The following EIF4G3 variants were observed in gnomAD, a reference collection of about 807,000 sequenced individuals.
EIF4G3 encodes the protein eukaryotic translation initiation factor 4 gamma 3.
EIF4G3 carries 34 observed loss-of-function variants against 186.4 expected under a neutral mutation model. The ratio of observed to expected loss-of-function variants is 0.18; its 90% CI spans 0.14 to 0.24. EIF4G3 has a LOEUF of 0.24. Among genes scored for constraint, EIF4G3 ranks in the 10% least tolerant of loss-of-function variants. EIF4G3 has a pLI of 1.00. For missense variants in EIF4G3, 1,536 were observed against 1,948.5 expected, an observed-to-expected ratio of 0.79 and a Z score of 3.99; for synonymous variants, 673 against 679.5, an observed-to-expected ratio of 0.99 and a Z score of 0.15.
At chr1:21,144,417 C>T (rs1216868201) in intron 2 of EIF4G3, among the ~76,000 whole-genome samples, 1 of 151,862 alleles carries the variant, frequency 6.6e-6, no homozygotes, top group East Asian at 1.9e-4. Context: ...CAGCAGCACA[C>T]CCATCTTTTT....
At chr1:20,906,789 T>A (rs2154557523) in intron 14 of EIF4G3, among the ~76,000 whole-genome samples, 1 of 148,718 alleles carries the variant, frequency 6.7e-6, no homozygotes, top group African/African-American at 2.4e-5. Flanking sequence ...TAGGAGACAC[T>A]TAGTCCTTAA....
At chr1:21,136,255 A>G (rs2097243422) in intron 2 of EIF4G3, among the ~76,000 whole-genome samples, 1 of 151,422 alleles carries the variant, frequency 6.6e-6, no homozygotes, top group South Asian at 2.1e-4. Context: ...ATGGTGGCTC[A>G]CGCCTGTAAT....
At chr1:21,111,323 C>CT in intron 2 of EIF4G3, 1 of 471,378 alleles carries the variant, frequency 2.1e-6, no homozygotes, top group Non-Finnish European at 4.4e-6. Context: ...GCTAGATTAC[C>CT]TTGGGAAAAT....
chr1:20,813,043 A>C, intron 35 of EIF4G3, 115 bp downstream of exon 35: 1 of 701,160 alleles, frequency 1.4e-6, no homozygotes. Flanking sequence ...AGTGCACAGA[A>C]AAGTGAGCTA....
rs1036033761 is a variant in EIF4G3, at chr1:20,868,206, A to G, written c.2623-2944T>C. Among the ~76,000 whole-genome samples the G allele has an allele frequency of 2.7e-5, 4 of 146,222 alleles. No individual in the cohort carries two copies. The Admixed American group carries it at 2.9e-4, about 11-fold the overall frequency. On this transcript the variant is annotated intron_variant, in intron 20 of 36. Transcript: ENST00000602326. ...GACCCACTGAGATTGGTTAGTTGGA[A>G]CAGAACATGAAGAGTGGATACCTTA...
At chr1:20,853,701 A>G in intron 26 of EIF4G3, 24 bp from the exon 27 acceptor site, 1 of 1,537,982 alleles carries the variant, frequency 6.5e-7, no homozygotes, top group Non-Finnish European at 9.0e-7. Context: ...GGATTTAGAA[A>G]AAAATACAAA....
At chr1:20,951,315 A>G (rs1212584896) in intron 12 of EIF4G3, among the ~76,000 whole-genome samples, 4 of 152,184 alleles carry the variant, frequency 2.6e-5, no homozygotes, top group South Asian at 4.1e-4. Context: ...CTTATATAGA[A>G]TAATAGACAG....
chr1:21,022,828 G>A (rs2091065571), intron 4 of EIF4G3, among the ~76,000 whole-genome samples: 1 of 152,184 alleles, frequency 6.6e-6, no homozygotes, highest in African/African-American at 2.4e-5. Flanking sequence ...TGTCCATGTA[G>A]CTTGTACTTT....
chr1:21,087,719 C>T (rs748522338), intron 3 of EIF4G3, among the ~76,000 whole-genome samples: 3 of 152,116 alleles, frequency 2.0e-5, no homozygotes, highest in East Asian at 1.9e-4. Context: ...CTGCAAGCTC[C>T]GCCTCCTGGG....
intron 2 of EIF4G3, among the ~76,000 whole-genome samples, chr1:21,091,409 C>A (rs1231604501): frequency 6.6e-6 from 1 of 152,146 alleles, no homozygotes; most frequent in Admixed American, 6.6e-5. Flanking sequence ...AATCCACCCA[C>A]CTCGGCCTCC....
At chr1:20,957,780 T>TAA (rs2096472073) in intron 12 of EIF4G3, among the ~76,000 whole-genome samples, 1 of 151,996 alleles carries the variant, frequency 6.6e-6, no homozygotes, top group African/African-American at 2.4e-5. Context: ...ACTTTATGCA[T>TAA]ACAAACTATA....
chr1:21,001,711 G>A (rs528193509), intron 5 of EIF4G3, among the ~76,000 whole-genome samples: 1 of 152,318 alleles, frequency 6.6e-6, no homozygotes, highest in Non-Finnish European at 1.5e-5. Flanking sequence ...CTAAGAACAG[G>A]TATTGGAGAA....
intron 4 of EIF4G3, among the ~76,000 whole-genome samples, chr1:21,043,105 A>G (rs1335495356): frequency 6.6e-6 from 1 of 152,110 alleles, no homozygotes; most frequent in Non-Finnish European, 1.5e-5. Context: ...ACTTCTTAAA[A>G]CAGATGAGAG....
At position 21,118,551 on chromosome 1, in the gene EIF4G3, C is replaced by A. The variant is rs922440134; in HGVS notation, c.-271-29338G>T. Among the ~76,000 whole-genome samples the A allele has an allele frequency of 2.6e-5, 4 of 152,054 alleles. No individual in the cohort carries two copies. In the East Asian group the frequency reaches 7.7e-4, roughly 29 times the overall value. ...CCTGTAAACCCAACACTTTGGGAGG[C>A]GGAGGCGGGCAGATCACTAAGGTCA... On this transcript the variant is annotated intron_variant, in intron 2 of 36. Transcript: ENST00000602326.
intron 3 of EIF4G3, among the ~76,000 whole-genome samples, chr1:21,065,968 TA>T (rs750956362): frequency 3.7e-4 from 57 of 152,084 alleles, no homozygotes; most frequent in Non-Finnish European, 6.3e-4. Context: ...AAGTTTAAAA[TA>T]AATACTTGAC....
At chr1:21,129,362 GT>G (rs1184977495) in intron 2 of EIF4G3, among the ~76,000 whole-genome samples, 1 of 151,726 alleles carries the variant, frequency 6.6e-6, no homozygotes, top group Non-Finnish European at 1.5e-5. Context: ...TCAAAGTTAA[GT>G]GTGGACTGGC....
intron 2 of EIF4G3, among the ~76,000 whole-genome samples, chr1:21,098,145 AC>A (rs1445080577): frequency 1.3e-5 from 2 of 152,200 alleles, no homozygotes; most frequent in African/African-American, 4.8e-5. Flanking sequence ...AAACATTTCC[AC>A]TGTGAAAGAC....
In EIF4G3 at chr1:20,886,182, G is replaced by A; in HGVS notation, c.2424+19C>T. On this transcript the variant is annotated intron_variant, in intron 19 of 36. Coordinates refer to ENST00000602326, the MANE Select transcript of EIF4G3 (RefSeq NM_001391906.1). ...CAATATAATTTCAAAAGAATGTTAG[G>A]ATATGCTTTTGTTCTCACCTGGGTT... 2 of 1,596,600 alleles carry A rather than the reference G, an allele frequency of 1.3e-6. No homozygotes were observed. Among genetic ancestry groups the A allele is most frequent in the Non-Finnish European group, 8.5e-7 (1 of 1,173,360 alleles).
At chr1:21,113,845 T>TTTG (rs2096771172) in intron 2 of EIF4G3, among the ~76,000 whole-genome samples, 1 of 152,060 alleles carries the variant, frequency 6.6e-6, no homozygotes, top group South Asian at 2.1e-4. Context: ...TAAAACCCCG[T>TTTG]CTCTTCAAAA....
Sources: allele counts gnomAD v4.1 joint callset (sites outside exome capture counted in the v4.1 genomes callset), GRCh38; gene constraint gnomAD v4.1.1; transcripts MANE v1.5; gene names NCBI Gene and HGNC (gene_info 2026-07-23, HGNC 2026-07-21).